Variants in CHST9 observed in about 807,000 individuals in gnomAD.
The protein encoded by CHST9 is GalNAc-4-sulfotransferase 2.
Under a neutral mutation model 44.4 loss-of-function variants are expected in CHST9, and 41 were observed. The ratio of observed to expected loss-of-function variants is 0.92; its 90% CI spans 0.72 to 1.20. The LOEUF is 1.20. Among genes scored for constraint, CHST9 ranks in the 50% most tolerant of loss-of-function variants. The pLI is 0.00. For missense variants in CHST9, 504 were observed against 516.5 expected (o/e 0.98, Z 0.23); for synonymous variants, 171 against 178.4 (o/e 0.96, Z 0.33).
chr18:27,157,987 C>A (rs2058711251), intron 1 of CHST9, among the ~76,000 whole-genome samples: 1 of 152,024 alleles, frequency 6.6e-6, no homozygotes, highest in African/African-American at 2.4e-5. Context: ...GATCTCTACT[C>A]CCTCATCAAA....
chr18:27,159,804 C>A (rs1355870335), intron 1 of CHST9, among the ~76,000 whole-genome samples: 1 of 152,124 alleles, frequency 6.6e-6, no homozygotes, highest in Non-Finnish European at 1.5e-5. Context: ...GTTTGTAGTT[C>A]TCCTTGAAGA....
Position 27,153,034 on chromosome 18 carries a change from C to T in CHST9, c.-96-10129G>A, listed in dbSNP as rs142098439. 3.7e-3 allele frequency among the ~76,000 whole-genome samples: 563 copies of T among 152,154 alleles called. 9 individuals are homozygous for T. The highest frequency in any genetic ancestry group is 0.026 in the Admixed American group (402 of 15,282). On this transcript the variant is annotated intron_variant, in intron 1 of 5. Transcript: ENST00000618847. ...TCCATTGTGCTGTAACCAATAGAAA[C>T]GAGCAGGTTATAAGCAGGAAGTGGA...
At chr18:27,105,112 A>G (rs1340057258) in intron 2 of CHST9, among the ~76,000 whole-genome samples, 2 of 152,068 alleles carry the variant, frequency 1.3e-5, no homozygotes, top group Non-Finnish European at 2.9e-5. Context: ...ATTTGAAAAG[A>G]AGACAGCATG....
At chr18:27,105,172 TA>T (rs899850245) in intron 2 of CHST9, among the ~76,000 whole-genome samples, 67 of 152,148 alleles carry the variant, frequency 4.4e-4, no homozygotes, top group African/African-American at 1.6e-3. Flanking sequence ...TTTATTACTA[TA>T]AAAAAAGATA....
At chr18:26,976,492 G>A (rs2056625372) in intron 4 of CHST9, among the ~76,000 whole-genome samples, 1 of 152,088 alleles carries the variant, frequency 6.6e-6, no homozygotes, top group Admixed American at 6.6e-5. Flanking sequence ...TCCAGTCCCT[G>A]CCTGCCCAGC....
In CHST9 at chr18:27,113,783, T is replaced by C. The variant is rs2058296039; in HGVS notation, c.121+28906A>G. Among the ~76,000 whole-genome samples the C allele has an allele frequency of 3.3e-5, 5 of 152,334 alleles. No homozygotes were observed. The South Asian group carries it at 1.0e-3, about 32-fold the overall frequency. ...AGCTCCCCAGTTTACGGTATTTTGT[T>C]GTAGAAGTCCAAATGGACTAAGACA... On this transcript the variant is annotated intron_variant, in intron 2 of 5. Transcript: ENST00000618847.
At chr18:27,047,532 A>G (rs939944088) in intron 3 of CHST9, among the ~76,000 whole-genome samples, 2 of 152,068 alleles carry the variant, frequency 1.3e-5, no homozygotes, top group Non-Finnish European at 2.9e-5. Flanking sequence ...TAAGATTGGA[A>G]AGGACAAAAG....
intron 2 of CHST9, among the ~76,000 whole-genome samples, chr18:27,121,532 T>C (rs992760170): frequency 5.9e-5 from 9 of 152,282 alleles, no homozygotes; most frequent in African/African-American, 2.2e-4. Context: ...AAGACCTCAG[T>C]AGGATGAATC....
chr18:26,961,041 G>A lies in CHST9; in HGVS notation c.203-16675C>T, dbSNP rs79918300. Among the ~76,000 whole-genome samples, 1,367 of 152,302 alleles carry A rather than the reference G, an allele frequency of 9.0e-3. 8 individuals are homozygous for A. The highest frequency in any genetic ancestry group is 0.013 in the Non-Finnish European group (899 of 68,026). ...ATACATTCTTCACTCAGTTCTCCCA[G>A]CACTTCTGTGGGATAAGGCTATTGC... is the stretch of plus-strand genomic sequence containing the variant. On this transcript the variant is annotated intron_variant, in intron 4 of 5. Coordinates refer to ENST00000618847, the MANE Select transcript of CHST9 (RefSeq NM_031422.6).
At chr18:26,922,899 C>T (rs532461020) in intron 5 of CHST9, among the ~76,000 whole-genome samples, 122 of 152,230 alleles carry the variant, frequency 8.0e-4, no homozygotes, top group Non-Finnish European at 1.5e-3. Flanking sequence ...GCCTCCCAAA[C>T]TGCTGGGATT....
intron 2 of CHST9, among the ~76,000 whole-genome samples, chr18:27,131,138 T>C (rs1360713773): frequency 6.6e-6 from 1 of 152,188 alleles, no homozygotes; most frequent in East Asian, 1.9e-4. Context: ...ACTAATCCAT[T>C]TTGGAGAGCT....
Position 27,015,528 on chromosome 18 carries a change from C to T in CHST9, c.202+8588G>A, listed in dbSNP as rs146269505. Reference sequence around the variant, plus strand: ...CCCAGTCTTGTTGGGAGCATCCAGTCACACAGACCCCTGCCTCTCCTGGCG... The same window carrying T: ...CCCAGTCTTGTTGGGAGCATCCAGTTACACAGACCCCTGCCTCTCCTGGCG... On this transcript the variant is annotated intron_variant, in intron 4 of 5. Transcript: ENST00000618847. Among the ~76,000 whole-genome samples the T allele has an allele frequency of 5.8e-3, 882 of 152,244 alleles. 37 individuals are homozygous for T. The highest frequency in any genetic ancestry group is 0.051 in the Admixed American group (779 of 15,298).
chr18:26,927,156 C>T (rs2055783007), intron 5 of CHST9, among the ~76,000 whole-genome samples: 1 of 152,138 alleles, frequency 6.6e-6, no homozygotes, highest in South Asian at 2.1e-4. Context: ...TCTTCTTGTT[C>T]TCTGGAATGT....
chr18:27,002,654 A>T (rs753600719), intron 4 of CHST9, among the ~76,000 whole-genome samples: 2 of 152,206 alleles, frequency 1.3e-5, no homozygotes, highest in Non-Finnish European at 2.9e-5. Flanking sequence ...GATGTTAGGT[A>T]GGTTAGGTGT....
intron 2 of CHST9, among the ~76,000 whole-genome samples, chr18:27,089,111 T>C (rs1197587936): frequency 1.3e-5 from 2 of 152,196 alleles, no homozygotes; most frequent in Non-Finnish European, 2.9e-5. Flanking sequence ...AATGAAGCTC[T>C]ATTTTCTTCC....
At chr18:27,102,833 AC>A (rs1215149556) in intron 2 of CHST9, among the ~76,000 whole-genome samples, 1 of 151,976 alleles carries the variant, frequency 6.6e-6, no homozygotes, top group African/African-American at 2.4e-5. Context: ...GATTGTGTCT[AC>A]TTTAGCCAAA....
intron 1 of CHST9, among the ~76,000 whole-genome samples, chr18:27,144,594 A>C (rs950583511): frequency 2.0e-5 from 3 of 152,164 alleles, no homozygotes; most frequent in African/African-American, 7.2e-5. Context: ...AGCCTGAGGT[A>C]GGAGGATCAC....
intron 4 of CHST9, among the ~76,000 whole-genome samples, chr18:27,009,028 A>G (rs1321767849): frequency 6.6e-6 from 1 of 151,938 alleles, no homozygotes; most frequent in African/African-American, 2.4e-5. Flanking sequence ...ACACATATAG[A>G]AATATACCTC....
At chr18:27,180,848 T>C (rs1372725256) in intron 1 of CHST9, among the ~76,000 whole-genome samples, 1 of 152,192 alleles carries the variant, frequency 6.6e-6, no homozygotes, top group Non-Finnish European at 1.5e-5. Context: ...ATTCCTTTAA[T>C]AAGTGTATAT....
Sources: allele counts gnomAD v4.1 joint callset (sites outside exome capture counted in the v4.1 genomes callset), GRCh38; gene constraint gnomAD v4.1.1; transcripts MANE v1.5; gene names NCBI Gene and HGNC (gene_info 2026-07-23, HGNC 2026-07-21).